Variants in RPS6KC1 observed in about 807,000 individuals in gnomAD.
RPS6KC1 encodes ribosomal protein S6 kinase C1.
RPS6KC1 carries 54 observed loss-of-function variants against 103.8 expected under a neutral mutation model. The observed-to-expected ratio is 0.52, with a 90% CI of 0.42 to 0.65. The LOEUF is 0.65. Among genes scored for constraint, RPS6KC1 ranks in the 30% least tolerant of loss-of-function variants. The probability of loss-of-function intolerance (pLI) is 0.00; values close to 1 mark genes in which losing one functional copy is unlikely to be tolerated. For synonymous variants in RPS6KC1, 439 were observed against 438.7 expected, an observed-to-expected ratio of 1.00 and a Z score of -0.01; for missense variants, 1,151 against 1,253.8, an observed-to-expected ratio of 0.92 and a Z score of 1.24.
chr1:213,828,324 A>T, the RPS6KC1 span, among the ~76,000 whole-genome samples: 1 of 152,066 alleles, frequency 6.6e-6, no homozygotes, highest in African/African-American at 2.4e-5. Context: ...GTAAGCTGAC[A>T]CCCACCGCAG....
chr1:213,363,719 TTTCTTTCG>T, the RPS6KC1 span, among the ~76,000 whole-genome samples: 1,271 of 128,106 alleles, frequency 9.9e-3, 326 homozygotes, highest in African/African-American at 0.039. Flanking sequence ...TCTTTCTTTC[TTTCTTTCG>T]TTCTTTCTTT....
chr1:213,094,122 TA>T (rs1232144021), intron 3 of RPS6KC1, among the ~76,000 whole-genome samples: 2 of 150,644 alleles, frequency 1.3e-5, no homozygotes, highest in African/African-American at 4.9e-5. Context: ...AGTGAACACA[TA>T]TATATACGTT....
At chr1:213,477,882 C>G in the RPS6KC1 span, among the ~76,000 whole-genome samples, 1 of 152,144 alleles carries the variant, frequency 6.6e-6, no homozygotes, top group Non-Finnish European at 1.5e-5. Context: ...CACATTATTA[C>G]CAACCAAAGT....
intron 8 of RPS6KC1, among the ~76,000 whole-genome samples, chr1:213,198,571 TTCCTCAG>T (rs1437908115): frequency 6.6e-6 from 1 of 152,122 alleles, no homozygotes; most frequent in Non-Finnish European, 1.5e-5. Flanking sequence ...ATTTCTCTTC[TTCCTCAG>T]GAATGCCAGA....
At chr1:213,844,136 C>T in the RPS6KC1 span, among the ~76,000 whole-genome samples, 4 of 152,180 alleles carry the variant, frequency 2.6e-5, no homozygotes, top group African/African-American at 7.2e-5. Context: ...GAACAATGCA[C>T]ACATTGTAAT....
At chr1:213,451,207 A>G in the RPS6KC1 span, among the ~76,000 whole-genome samples, 1 of 152,216 alleles carries the variant, frequency 6.6e-6, no homozygotes, top group African/African-American at 2.4e-5. Context: ...TCACTAATTC[A>G]GTATTATAAC....
chr1:213,321,196 C>G, the RPS6KC1 span, among the ~76,000 whole-genome samples: 2 of 152,200 alleles, frequency 1.3e-5, no homozygotes, highest in Non-Finnish European at 2.9e-5. Context: ...GGGTGATGGG[C>G]TCAAACTCCA....
the RPS6KC1 span, among the ~76,000 whole-genome samples, chr1:213,282,939 T>C: frequency 4.6e-5 from 7 of 152,204 alleles, no homozygotes; most frequent in Non-Finnish European, 1.0e-4. Flanking sequence ...GTTTTACAAA[T>C]GGAGAAACTA....
the RPS6KC1 span, among the ~76,000 whole-genome samples, chr1:213,436,385 T>C: frequency 6.6e-6 from 1 of 152,244 alleles, no homozygotes; most frequent in Non-Finnish European, 1.5e-5. Context: ...AATTATAATT[T>C]ATTTATTTTA....
At chr1:213,472,258 A>T in the RPS6KC1 span, among the ~76,000 whole-genome samples, 84 of 152,222 alleles carry the variant, frequency 5.5e-4, no homozygotes, top group African/African-American at 2.0e-3. Context: ...AATTAATAAA[A>T]CACAACTATT....
At chr1:213,675,721 G>A in the RPS6KC1 span, among the ~76,000 whole-genome samples, 8 of 151,798 alleles carry the variant, frequency 5.3e-5, no homozygotes, top group Non-Finnish European at 1.0e-4. Context: ...TACTAAAAAT[G>A]CAAAAATTAG....
the RPS6KC1 span, among the ~76,000 whole-genome samples, chr1:213,824,159 C>G: frequency 2.0e-5 from 3 of 152,192 alleles, no homozygotes; most frequent in Admixed American, 2.0e-4. Flanking sequence ...CCTAGGTCCC[C>G]ATATCCACAA....
chr1:213,790,962 A>T, the RPS6KC1 span, among the ~76,000 whole-genome samples: 3 of 96,104 alleles, frequency 3.1e-5, no homozygotes, highest in Admixed American at 3.7e-4. Context: ...GCCCATGATG[A>T]CACATCATCT....
chr1:213,764,273 A>T, the RPS6KC1 span, among the ~76,000 whole-genome samples: 1 of 152,144 alleles, frequency 6.6e-6, no homozygotes, highest in Non-Finnish European at 1.5e-5. Context: ...TTAGACTTTG[A>T]ATCTCCTAAA....
chr1:213,253,589 C>T (rs749753867), intron 12 of RPS6KC1, among the ~76,000 whole-genome samples: 15 of 152,152 alleles, frequency 9.9e-5, no homozygotes, highest in Admixed American at 2.6e-4. Flanking sequence ...TTAGATCTGT[C>T]TTTGGTTATT....
At chr1:213,706,248 G>T in the RPS6KC1 span, among the ~76,000 whole-genome samples, 7 of 152,210 alleles carry the variant, frequency 4.6e-5, no homozygotes, top group Admixed American at 4.6e-4. Context: ...GAAGCTTGCA[G>T]AACTTAAGTT....
the RPS6KC1 span, among the ~76,000 whole-genome samples, chr1:213,462,060 A>C: frequency 6.6e-6 from 1 of 152,234 alleles, no homozygotes; most frequent in Non-Finnish European, 1.5e-5. Flanking sequence ...CAAGGAACTT[A>C]AACCAATTTA....
the RPS6KC1 span, among the ~76,000 whole-genome samples, chr1:213,661,016 G>A: frequency 9.2e-5 from 14 of 152,250 alleles, no homozygotes; most frequent in Middle Eastern, 0.01. Context: ...CAGCCTTCCC[G>A]AGTTGTCTAT....
At chr1:213,258,544 A>G (rs1008464955) in intron 12 of RPS6KC1, among the ~76,000 whole-genome samples, 2 of 152,162 alleles carry the variant, frequency 1.3e-5, no homozygotes, top group African/African-American at 4.8e-5. Context: ...ACAGTGCCTA[A>G]TTTGTGCTGC....
Sources: gnomAD v4.1 joint callset for allele counts (sites outside exome capture counted in the v4.1 genomes callset) on GRCh38, gnomAD v4.1.1 for gene constraint, MANE v1.5 for transcripts, NCBI Gene and HGNC (gene_info 2026-07-23, HGNC 2026-07-21) for gene names.